MRPS5: variants seen among roughly 807,000 people sequenced by gnomAD.
The protein encoded by MRPS5 is mitochondrial ribosomal protein S5, also known as small ribosomal subunit protein uS5m.
MRPS5 carries 27 observed loss-of-function variants against 51.9 expected under a neutral mutation model. The observed-to-expected ratio is 0.52, with a 90% CI of 0.38 to 0.72. The LOEUF (loss-of-function observed/expected upper bound fraction) is 0.72. MRPS5 is among the 30% of genes least tolerant of loss of function. MRPS5 has a pLI of 0.00. For missense variants in MRPS5, 570 were observed against 545.7 expected (o/e 1.04, Z -0.44); for synonymous variants, 196 against 193.2 (o/e 1.01, Z -0.12).
intron 3 of MRPS5, 21 bp downstream of exon 3, chr2:95,115,045 G>C: frequency 6.7e-7 from 1 of 1,490,764 alleles, no homozygotes; most frequent in Non-Finnish European, 8.9e-7. Flanking sequence ...GAAACAGGAA[G>C]TTTGTGGCCA....
At chr2:95,112,384 C>A (rs192797432) in intron 3 of MRPS5, among the ~76,000 whole-genome samples, 1 of 151,952 alleles carries the variant, frequency 6.6e-6, no homozygotes, top group African/African-American at 2.4e-5. Flanking sequence ...TATATATATA[C>A]ACACACATAC....
intron 4 of MRPS5, 76 bp from the exon 5 acceptor site, chr2:95,108,484 T>C: frequency 1.7e-6 from 2 of 1,180,932 alleles, no homozygotes; most frequent in East Asian, 2.5e-5. Flanking sequence ...AGGCAATGCA[T>C]GTACAGATAA....
At chr2:95,111,067 A>G (rs1255697732) in intron 3 of MRPS5, among the ~76,000 whole-genome samples, 1 of 152,206 alleles carries the variant, frequency 6.6e-6, no homozygotes, top group Non-Finnish European at 1.5e-5. Flanking sequence ...TAAATGCTTT[A>G]TATCTGTATA....
chr2:95,108,194 A>AG lies in MRPS5; in HGVS notation c.617dup (p.Asp207Ter), dbSNP rs1364841497. 1 of 1,614,008 alleles carries AG rather than the reference A, an allele frequency of 6.2e-7. No homozygotes were observed. The highest frequency in any genetic ancestry group is 1.3e-5 in the African/African-American group (1 of 74,934). ...TGCTACCTCCACAGGGACCAGGGTC[A>AG]GGGGGGCCAAGACTGATGCCTCCCC... On this transcript the variant is annotated frameshift_variant, in exon 5 of 12. Transcript: ENST00000272418. LOFTEE classifies it high-confidence loss of function.
At chr2:95,090,176 CAAAAAAAAAAAA>C (rs35901146) in intron 11 of MRPS5, among the ~76,000 whole-genome samples, 198 bp downstream of exon 11, 38 of 43,534 alleles carry the variant, frequency 8.7e-4, no homozygotes, top group South Asian at 3.7e-3. Flanking sequence ...GACTCCGTCT[CAAAAAAAAAAAA>C]AAAAAAAAAA....
chr2:95,101,182 G>A (rs750703461), intron 8 of MRPS5, among the ~76,000 whole-genome samples: 4 of 151,976 alleles, frequency 2.6e-5, no homozygotes, highest in African/African-American at 4.8e-5. Flanking sequence ...TCAGGAGTTC[G>A]AGACCAGTCT....
chr2:95,107,699 C>G (rs914321871), intron 5 of MRPS5, among the ~76,000 whole-genome samples: 1 of 152,208 alleles, frequency 6.6e-6, no homozygotes, highest in African/African-American at 2.4e-5. Context: ...TTTACATACT[C>G]ACGGAGGGCT....
chr2:95,103,981 A>G (rs1168338631), intron 7 of MRPS5: 3 of 152,276 alleles, frequency 2.0e-5, no homozygotes, highest in Non-Finnish European at 4.4e-5. Context: ...AAATGTCAGT[A>G]TGGGCTAACT....
intron 5 of MRPS5, among the ~76,000 whole-genome samples, chr2:95,107,942 G>C (rs1167719289): frequency 6.6e-6 from 1 of 152,242 alleles, no homozygotes; most frequent in African/African-American, 2.4e-5. Flanking sequence ...TTAAGGATCT[G>C]AGAAGGTACA....
At chr2:95,108,099 A>T in intron 5 of MRPS5, 76 bp downstream of exon 5, 2 of 1,306,782 alleles carry the variant, frequency 1.5e-6, no homozygotes, top group Non-Finnish European at 2.2e-6. Context: ...CAGACAAGTA[A>T]TAACACCATT....
chr2:95,116,433 A>G (rs1278667870), intron 2 of MRPS5, among the ~76,000 whole-genome samples: 3 of 152,188 alleles, frequency 2.0e-5, no homozygotes, highest in Non-Finnish European at 4.4e-5. Context: ...AATGTACCTT[A>G]AAAGGTCCAA....
chr2:95,121,951 G>C (rs1676471368), upstream of MRPS5: 1 of 818,528 alleles, frequency 1.2e-6, no homozygotes, highest in African/African-American at 1.8e-5. Context: ...TGTCCGGACG[G>C]GCCACACTGC....
chr2:95,110,072 T>A, intron 3 of MRPS5, 31 bp from the exon 4 acceptor site: 1 of 1,597,764 alleles, frequency 6.3e-7, no homozygotes, highest in South Asian at 1.1e-5. Context: ...TTTTCTTAAT[T>A]CTGTAGTTTT....
At chr2:95,115,793 A>C (rs140681215) in intron 2 of MRPS5, among the ~76,000 whole-genome samples, 217 of 152,366 alleles carry the variant, frequency 1.4e-3, no homozygotes, top group African/African-American at 5.1e-3. Flanking sequence ...TAGTCAATAA[A>C]AAAGTAGACA....
chr2:95,090,785 A>T (rs1675442100), intron 10 of MRPS5: 1 of 403,874 alleles, frequency 2.5e-6, no homozygotes, highest in Admixed American at 3.6e-5. Context: ...CAGGATTGTT[A>T]TTGAGATTAA....
intron 6 of MRPS5, among the ~76,000 whole-genome samples, chr2:95,105,161 T>A (rs556233109): frequency 6.6e-6 from 1 of 152,336 alleles, no homozygotes; most frequent in Non-Finnish European, 1.5e-5. Context: ...ATATGCAGTA[T>A]ATAGACATAA....
chr2:95,104,973 G>A (rs1032700563), intron 6 of MRPS5, among the ~76,000 whole-genome samples: 1 of 152,090 alleles, frequency 6.6e-6, no homozygotes, highest in Non-Finnish European at 1.5e-5. Context: ...TGATAACTGA[G>A]AAAACCTTTA....
intron 10 of MRPS5, among the ~76,000 whole-genome samples, chr2:95,094,011 C>T (rs1266942172): frequency 3.3e-5 from 5 of 152,138 alleles, no homozygotes; most frequent in African/African-American, 9.7e-5. Flanking sequence ...AAATGGCTAA[C>T]TAGAATAAAC....
At chr2:95,100,767 T>C in intron 9 of MRPS5, 70 bp downstream of exon 9, 5 of 1,188,748 alleles carry the variant, frequency 4.2e-6, no homozygotes, top group Middle Eastern at 2.0e-4. Context: ...CCTATAGAGA[T>C]ACATTGTCAC....
Sources: allele counts gnomAD v4.1 joint callset (sites outside exome capture counted in the v4.1 genomes callset), GRCh38; gene constraint gnomAD v4.1.1; transcripts MANE v1.5; gene names NCBI Gene and HGNC (gene_info 2026-07-23, HGNC 2026-07-21).